The following LIG1 variants were observed in gnomAD, a reference collection of about 807,000 sequenced individuals.
LIG1 encodes ligase I, DNA, ATP-dependent.
Under a neutral mutation model 115.7 loss-of-function variants are expected in LIG1, and 70 were observed. The ratio of observed to expected loss-of-function variants is 0.60; its 90% confidence interval spans 0.50 to 0.74. The LOEUF is 0.74. LIG1 is among the 30% of genes least tolerant of loss of function. The probability of loss-of-function intolerance (pLI) is 0.00; values close to 1 mark genes in which losing one functional copy is unlikely to be tolerated. For missense variants in LIG1, 1,115 were observed against 1,225.6 expected, an observed-to-expected ratio of 0.91 and a Z score of 1.35; for synonymous variants, 487 against 495.3, an observed-to-expected ratio of 0.98 and a Z score of 0.22.
intron 4 of LIG1, among the ~76,000 whole-genome samples, chr19:48,159,146 C>T (rs1391454646): frequency 6.6e-6 from 1 of 151,342 alleles, no homozygotes; most frequent in African/African-American, 2.4e-5. Flanking sequence ...GGCACGATCT[C>T]GGCTCACCAC....
At chr19:48,142,160 G>A (rs565698025) in intron 11 of LIG1, among the ~76,000 whole-genome samples, 10 of 152,036 alleles carry the variant, frequency 6.6e-5, no homozygotes, top group East Asian at 1.9e-4. Flanking sequence ...AATTAGGGCC[G>A]GGCGCGGTGG....
intron 2 of LIG1, among the ~76,000 whole-genome samples, chr19:48,164,061 A>C (rs539129825): frequency 1.3e-5 from 2 of 152,178 alleles, no homozygotes; most frequent in South Asian, 4.2e-4. Context: ...TTAGTATCTC[A>C]GTGGTGAGAA....
At chr19:48,154,065 G>A in intron 5 of LIG1, 98 bp from the exon 6 acceptor site, 2 of 985,876 alleles carry the variant, frequency 2.0e-6, no homozygotes, top group Non-Finnish European at 3.3e-6. Flanking sequence ...GGAAGGCTCT[G>A]GGCCCTCTCC....
chr19:48,129,453 T>G (rs1192817573), intron 19 of LIG1, among the ~76,000 whole-genome samples: 2 of 152,248 alleles, frequency 1.3e-5, no homozygotes, highest in African/African-American at 2.4e-5. Context: ...GGTGAAGGTC[T>G]GCCTGCTCTG....
At chr19:48,135,362 A>G (rs902620766) in intron 16 of LIG1, among the ~76,000 whole-genome samples, 3 of 152,118 alleles carry the variant, frequency 2.0e-5, no homozygotes, top group Non-Finnish European at 4.4e-5. Flanking sequence ...ACCTCAAGTG[A>G]TCTGCCTGCT....
At position 48,170,267 on chromosome 19, in the gene LIG1, C is replaced by T. The variant is rs2036741152; in HGVS notation, c.-84G>A. 1 of 455,098 alleles carries T rather than the reference C, an allele frequency of 2.2e-6. No individual in the cohort carries two copies. Among genetic ancestry groups the T allele is most frequent in the Admixed American group, 2.4e-5 (1 of 42,514 alleles). The allele number at this position is 455,098 out of a possible 1,614,324, so 28.2% of individuals were successfully genotyped here. ...TTGCGTTGGTCCCGCGCGCCGCTGC[C>T]CGGGCAACACACTCAGATCCGCCAG... On this transcript the variant is annotated 5_prime_UTR_variant, in exon 1 of 28. Coordinates refer to ENST00000263274, the MANE Select transcript of LIG1 (RefSeq NM_000234.3).
In LIG1 at chr19:48,136,038, G is replaced by GC; in HGVS notation, c.1418dup (p.Gln474ProfsTer86). ...AGACGGGCCACAGGAGCTCACCTTGGCCCGGGGGCGTGAGGCTCACTGCCT... is the reference window on the plus strand; with the variant it reads ...AGACGGGCCACAGGAGCTCACCTTGGCCCCGGGGGCGTGAGGCTCACTGCCT... On this transcript the variant is annotated frameshift_variant, in exon 15 of 28. Transcript: ENST00000263274. LOFTEE classifies it high-confidence loss of function. 1.3e-6 allele frequency: 2 copies of GC among 1,562,298 alleles called. No homozygotes were observed. Among genetic ancestry groups the GC allele is most frequent in the Non-Finnish European group, 1.7e-6 (2 of 1,153,916 alleles).
intron 16 of LIG1, among the ~76,000 whole-genome samples, 155 bp downstream of exon 16, chr19:48,135,525 T>C (rs538319444): frequency 1.8e-4 from 28 of 152,300 alleles, no homozygotes; most frequent in African/African-American, 6.5e-4. Flanking sequence ...CAGCCTTGTC[T>C]AGATCACCAC....
intron 5 of LIG1, among the ~76,000 whole-genome samples, chr19:48,154,999 C>A (rs940183960): frequency 1.3e-5 from 2 of 152,144 alleles, no homozygotes; most frequent in Non-Finnish European, 1.5e-5. Context: ...CCAGACACAC[C>A]AAGCTGTGTC....
chr19:48,126,317 T>C lies in LIG1; in HGVS notation c.2004+960A>G, dbSNP rs1048912512. ...AGGCCTCTTTAACACTCTTAAAAATTATTCAAGGCCAGGCGTGGTGGTTCA... is the reference window on the plus strand; with the variant it reads ...AGGCCTCTTTAACACTCTTAAAAATCATTCAAGGCCAGGCGTGGTGGTTCA... On this transcript the variant is annotated intron_variant, in intron 21 of 27. Coordinates refer to ENST00000263274, the MANE Select transcript of LIG1 (RefSeq NM_000234.3). 2.0e-5 allele frequency among the ~76,000 whole-genome samples: 3 copies of C among 151,382 alleles called. No homozygotes were observed. In the South Asian group the frequency reaches 6.3e-4, roughly 32 times the overall value.
intron 25 of LIG1, among the ~76,000 whole-genome samples, chr19:48,118,111 G>A (rs1303895087): frequency 3.3e-5 from 5 of 152,174 alleles, no homozygotes; most frequent in African/African-American, 9.7e-5. Context: ...AAAAGAGGCA[G>A]AGAAAGGGCC....
At chr19:48,135,846 GT>G in intron 15 of LIG1, 67 bp from the exon 16 acceptor site, 1 of 1,416,568 alleles carries the variant, frequency 7.1e-7, no homozygotes, top group Non-Finnish European at 1.0e-6. Flanking sequence ...GGTGCAGTGG[GT>G]GGTTTGCTGT....
Position 48,131,074 on chromosome 19 carries a change from A to G in LIG1, c.1821+2T>C. ...GAGTGCAAGTGTGTGGCAGACGCCC[A>G]CCTTGGGGATGCGGCTGATGATGTC... On this transcript the variant is annotated splice_donor_variant, in intron 19 of 27. Coordinates refer to ENST00000263274, the MANE Select transcript of LIG1 (RefSeq NM_000234.3). LOFTEE classifies it high-confidence loss of function. 6.2e-7 allele frequency: 1 copy of G among 1,613,414 alleles called. No individual in the cohort carries two copies. Among genetic ancestry groups the G allele is most frequent in the Non-Finnish European group, 8.5e-7 (1 of 1,179,350 alleles).
At position 48,150,183 on chromosome 19, in the gene LIG1, G is replaced by GA. The variant is rs747788959; in HGVS notation, c.601dup (p.Ser201PhefsTer4). On this transcript the variant is annotated frameshift_variant, in exon 8 of 28. Transcript: ENST00000263274. LOFTEE classifies it high-confidence loss of function. ...CTGCTTCGTGGCCACCTCAGGCTCT[G>GA]AAACGCTTTCCGTCGGGGTCTCTGC... 5 of 1,614,180 alleles carry GA rather than the reference G, an allele frequency of 3.1e-6. No individual in the cohort carries two copies. Among genetic ancestry groups the GA allele is most frequent in the Non-Finnish European group, 8.5e-7 (1 of 1,180,034 alleles).
rs373086292 is a variant in LIG1 at position 48,123,015 on chromosome 19, G to A, written c.2151C>T (p.Asp717=). The A allele has an allele frequency of 8.1e-6, 13 of 1,613,754 alleles. No homozygotes were observed. The South Asian group carries it at 1.1e-4, about 14-fold the overall frequency. Residue 717 remains aspartate (D), a splice_region_variant and synonymous_variant, in exon 23 of 28, where the codon GAC becomes GAT. Coordinates refer to ENST00000263274, the MANE Select transcript of LIG1 (RefSeq NM_000234.3). ...IAEFLEQSVK[D]SCEGLMVKTL... is the part of the protein sequence containing the mutation. Reference sequence around the variant, plus strand: ...TCTTCACCATCAGCCCCTCGCAGGAGTCTGAGGGAGACACAGAAGCGTGGT... The same window carrying A: ...TCTTCACCATCAGCCCCTCGCAGGAATCTGAGGGAGACACAGAAGCGTGGT...
chr19:48,120,796 GAA>G, intron 24 of LIG1: 3 of 460,802 alleles, frequency 6.5e-6, no homozygotes, highest in Non-Finnish European at 9.2e-6. Flanking sequence ...GCACATGGCA[GAA>G]AAAAAAAATG....
chr19:48,138,621 G>A (rs368979433), intron 12 of LIG1, among the ~76,000 whole-genome samples: 2 of 152,180 alleles, frequency 1.3e-5, no homozygotes, highest in Non-Finnish European at 2.9e-5. Context: ...GGACAGCCAC[G>A]GGGGCCACAA....
At chr19:48,120,463 T>C (rs1462335401) in intron 24 of LIG1, 1 of 985,360 alleles carries the variant, frequency 1.0e-6, no homozygotes, top group African/African-American at 1.7e-5. Flanking sequence ...GGTGATATTT[T>C]GTTCTGTTTC....
At position 48,125,987 on chromosome 19, in the gene LIG1, C is replaced by CAA. The variant is rs56362940; in HGVS notation, c.2004+1288_2004+1289dup. On this transcript the variant is annotated intron_variant, in intron 21 of 27. Coordinates refer to ENST00000263274, the MANE Select transcript of LIG1 (RefSeq NM_000234.3). ...TGGGCAACAGAGTGAGACTCCATCT[C>CAA]AAAAAAAAAAAAAAAAAAAGATTAT... Among the ~76,000 whole-genome samples the CAA allele has an allele frequency of 6.4e-4, 68 of 105,814 alleles. 1 individual carries two copies. Among genetic ancestry groups the CAA allele is most frequent in the Middle Eastern group, 4.8e-3 (1 of 210 alleles). The allele number at this position is 105,814 out of a possible 152,430, so 69.4% of individuals were successfully genotyped here. A position where few individuals can be genotyped will look rare whatever the true frequency, so the allele number is the denominator to read the frequency against.
Sources: gnomAD v4.1 joint callset for allele counts (sites outside exome capture counted in the v4.1 genomes callset) on GRCh38, gnomAD v4.1.1 for gene constraint, MANE v1.5 for transcripts, NCBI Gene and HGNC (gene_info 2026-07-23, HGNC 2026-07-21) for gene names.